Variants in SEMA5B observed in about 807,000 individuals in gnomAD.
The protein encoded by SEMA5B is semaphorin-5B.
SEMA5B carries 66 observed loss-of-function variants against 135.0 expected under a neutral mutation model. The observed-to-expected ratio is 0.49, with a 90% CI of 0.40 to 0.60. SEMA5B has a LOEUF of 0.60. Among genes scored for constraint, SEMA5B ranks in the 20% least tolerant of loss-of-function variants. The probability of loss-of-function intolerance (pLI) is 0.00; values close to 1 mark genes in which losing one functional copy is unlikely to be tolerated. For synonymous variants in SEMA5B, 690 were observed against 639.5 expected, an observed-to-expected ratio of 1.08 and a Z score of -1.19; for missense variants, 1,501 against 1,566.3, an observed-to-expected ratio of 0.96 and a Z score of 0.70.
intron 1 of SEMA5B, among the ~76,000 whole-genome samples, chr3:123,020,217 T>A (rs1297765035): frequency 6.6e-6 from 1 of 152,178 alleles, no homozygotes; most frequent in Non-Finnish European, 1.5e-5. Flanking sequence ...TTAAATAAAT[T>A]ATGGCGCATC....
chr3:122,945,271 G>T (rs982160985), intron 3 of SEMA5B, among the ~76,000 whole-genome samples: 1 of 152,192 alleles, frequency 6.6e-6, no homozygotes, highest in Non-Finnish European at 1.5e-5. Flanking sequence ...GGTGATTATA[G>T]GTTGGTGACT....
chr3:122,970,431 C>G (rs1374614593), intron 1 of SEMA5B, among the ~76,000 whole-genome samples: 3 of 152,124 alleles, frequency 2.0e-5, no homozygotes, highest in Non-Finnish European at 4.4e-5. Flanking sequence ...GGGTGGAGCC[C>G]AAGATTTTGC....
At chr3:122,929,716 C>T (rs557188585) in intron 5 of SEMA5B, among the ~76,000 whole-genome samples, 2 of 152,272 alleles carry the variant, frequency 1.3e-5, no homozygotes, top group East Asian at 3.9e-4. Context: ...CTCCCACCCC[C>T]ACTGTCTGCA....
At chr3:122,986,158 T>G (rs1941689207) in intron 1 of SEMA5B, among the ~76,000 whole-genome samples, 1 of 152,254 alleles carries the variant, frequency 6.6e-6, no homozygotes, top group Non-Finnish European at 1.5e-5. Flanking sequence ...GTCCTTTGTC[T>G]TACTCTAAGT....
chr3:122,944,200 C>T (rs1331620660), intron 3 of SEMA5B, among the ~76,000 whole-genome samples: 2 of 152,188 alleles, frequency 1.3e-5, no homozygotes, highest in Non-Finnish European at 2.9e-5. Flanking sequence ...AATGATGCTT[C>T]ACCTTTTACA....
At chr3:122,972,297 G>A (rs1941152558) in intron 1 of SEMA5B, among the ~76,000 whole-genome samples, 3 of 152,174 alleles carry the variant, frequency 2.0e-5, no homozygotes, top group East Asian at 3.9e-4. Flanking sequence ...TATGGAGAGT[G>A]TGCAGTGACT....
intron 5 of SEMA5B, among the ~76,000 whole-genome samples, chr3:122,930,212 C>G (rs35543737): frequency 0.22 from 32,890 of 152,244 alleles, 3,693 homozygotes; most frequent in Middle Eastern, 0.3. Flanking sequence ...CAGCAGACCT[C>G]TCTCTGCTTT....
rs117793765 is a variant in SEMA5B at position 122,971,848 on chromosome 3, G to A, written c.-38-10547C>T. On this transcript the variant is annotated intron_variant, in intron 1 of 22. Coordinates refer to ENST00000357599, the MANE Select transcript of SEMA5B (RefSeq NM_001031702.4). ...TCGTCAATAGACATGATTCCAGTGGGAGCAACAGGCACCGTGTTCTGCATC... is the reference window on the plus strand; with the variant it reads ...TCGTCAATAGACATGATTCCAGTGGAAGCAACAGGCACCGTGTTCTGCATC... Among the ~76,000 whole-genome samples, 16 of 152,372 alleles carry A rather than the reference G, an allele frequency of 1.1e-4. No individual in the cohort carries two copies. In the East Asian group the frequency reaches 3.1e-3, roughly 29 times the overall value.
At chr3:122,961,352 A>G in intron 1 of SEMA5B, 51 bp from the exon 2 acceptor site, 2 of 1,553,398 alleles carry the variant, frequency 1.3e-6, no homozygotes, top group African/African-American at 2.7e-5. Flanking sequence ...GAACCAGGCA[A>G]AAGAGATGAG....
intron 2 of SEMA5B, 29 bp from the exon 3 acceptor site, chr3:122,948,738 G>A: frequency 6.4e-7 from 1 of 1,550,652 alleles, no homozygotes; most frequent in Non-Finnish European, 8.8e-7. Context: ...GTCTCACCAA[G>A]CGCTCCCTCC....
intron 5 of SEMA5B, among the ~76,000 whole-genome samples, chr3:122,934,320 G>A (rs1030214613): frequency 2.0e-5 from 3 of 152,190 alleles, no homozygotes; most frequent in Non-Finnish European, 4.4e-5. Context: ...GAGAAAATCA[G>A]ACACTGTGTA....
chr3:122,929,512 A>T (rs186000217), intron 5 of SEMA5B, among the ~76,000 whole-genome samples: 19 of 152,258 alleles, frequency 1.2e-4, no homozygotes, highest in African/African-American at 4.3e-4. Context: ...AATGTAAGAG[A>T]TTTAATTTTC....
intron 1 of SEMA5B, among the ~76,000 whole-genome samples, chr3:123,000,129 A>G (rs1340654545): frequency 6.6e-6 from 1 of 152,182 alleles, no homozygotes; most frequent in African/African-American, 2.4e-5. Flanking sequence ...ACTCGCTTGG[A>G]CCCAGGAGGC....
At chr3:122,966,338 T>C (rs917952078) in intron 1 of SEMA5B, among the ~76,000 whole-genome samples, 1 of 152,122 alleles carries the variant, frequency 6.6e-6, no homozygotes, top group East Asian at 1.9e-4. Context: ...GCAAAGAGGT[T>C]TGTGACTTAA....
intron 1 of SEMA5B, among the ~76,000 whole-genome samples, chr3:122,999,926 C>A (rs973819522): frequency 6.6e-6 from 1 of 152,178 alleles, no homozygotes; most frequent in Non-Finnish European, 1.5e-5. Flanking sequence ...ATAAAAGGAA[C>A]AGGTTGGGCA....
rs532025028 is a variant in SEMA5B, at chr3:122,995,632, A to G, written c.-39+31832T>C. Among the ~76,000 whole-genome samples the G allele has an allele frequency of 1.0e-4, 15 of 148,818 alleles. No individual in the cohort carries two copies. The South Asian group carries it at 2.7e-3, about 27-fold the overall frequency. Reference sequence around the variant, plus strand: ...GAGGCCCTGGGGTTGAAAAGAAGGGATGGCCATAAATGCTCAGGCCAGCAC... The same window carrying G: ...GAGGCCCTGGGGTTGAAAAGAAGGGGTGGCCATAAATGCTCAGGCCAGCAC... On this transcript the variant is annotated intron_variant, in intron 1 of 22. Coordinates refer to ENST00000357599, the MANE Select transcript of SEMA5B (RefSeq NM_001031702.4).
At chr3:123,017,837 G>A (rs1942596201) in intron 1 of SEMA5B, among the ~76,000 whole-genome samples, 1 of 151,986 alleles carries the variant, frequency 6.6e-6, no homozygotes, top group Non-Finnish European at 1.5e-5. Context: ...GAAACTGGGA[G>A]GCAGAGGTTG....
At chr3:122,937,849 C>A (rs76416590) in intron 5 of SEMA5B, among the ~76,000 whole-genome samples, 1,958 of 152,300 alleles carry the variant, frequency 0.013, 36 homozygotes, top group African/African-American at 0.043. Flanking sequence ...ACCACAGGAA[C>A]CAAATAAAAA....
chr3:123,022,965 A>G (rs910225176), intron 1 of SEMA5B, among the ~76,000 whole-genome samples: 6 of 152,252 alleles, frequency 3.9e-5, no homozygotes, highest in South Asian at 2.1e-4. Flanking sequence ...GATCCATCTG[A>G]AATAGAGAAT....
Sources: gnomAD v4.1 joint callset for allele counts (sites outside exome capture counted in the v4.1 genomes callset) on GRCh38, gnomAD v4.1.1 for gene constraint, MANE v1.5 for transcripts, NCBI Gene and HGNC (gene_info 2026-07-23, HGNC 2026-07-21) for gene names.